TGM6: variants seen among roughly 807,000 people sequenced by gnomAD.
TGM6 encodes the protein protein-glutamine gamma-glutamyltransferase 6.
In TGM6, 74 loss-of-function variants were observed where a neutral mutation model predicts 77.5. The observed-to-expected ratio is 0.96, with a 90% CI of 0.79 to 1.16. TGM6 has a LOEUF of 1.16. Ranked by LOEUF, TGM6 falls within the 50% of genes most tolerant of loss-of-function variation. The pLI, the probability that TGM6 is intolerant of heterozygous loss-of-function variation, is 0.00. For synonymous variants in TGM6, 383 were observed against 378.9 expected (o/e 1.01, Z -0.12); for missense variants, 968 against 940.2 (o/e 1.03, Z -0.39).
intron 6 of TGM6, among the ~76,000 whole-genome samples, chr20:2,399,972 G>T (rs1031864337): frequency 6.6e-6 from 1 of 152,120 alleles, no homozygotes; most frequent in Admixed American, 6.5e-5. Flanking sequence ...AGTGCCTTGG[G>T]CGAGCCCTGC....
chr20:2,411,945 T>C (rs1223120755), intron 9 of TGM6, among the ~76,000 whole-genome samples: 1 of 152,264 alleles, frequency 6.6e-6, no homozygotes, highest in Admixed American at 6.5e-5. Flanking sequence ...CCAAAAGAAT[T>C]GAAAGCAGGA....
intron 10 of TGM6, among the ~76,000 whole-genome samples, chr20:2,427,794 C>T (rs1346434142): frequency 1.3e-5 from 2 of 152,098 alleles, no homozygotes; most frequent in African/African-American, 2.4e-5. Flanking sequence ...CTCGTTCTGT[C>T]ACCCAGGCTG....
At chr20:2,395,644 G>T (rs1170697486) in intron 3 of TGM6, among the ~76,000 whole-genome samples, 2 of 152,194 alleles carry the variant, frequency 1.3e-5, no homozygotes, top group African/African-American at 4.8e-5. Flanking sequence ...GACCCAGTGG[G>T]CAAGAGAGGC....
At chr20:2,427,468 T>C (rs930843796) in intron 10 of TGM6, among the ~76,000 whole-genome samples, 2 of 152,180 alleles carry the variant, frequency 1.3e-5, no homozygotes, top group African/African-American at 4.8e-5. Flanking sequence ...TTATTGACTT[T>C]ACTGATCTTT....
At chr20:2,381,039 G>C in intron 1 of TGM6, 64 bp downstream of exon 1, 1 of 1,587,122 alleles carries the variant, frequency 6.3e-7, no homozygotes, top group Middle Eastern at 1.7e-4. Context: ...CAAGAAACAC[G>C]GGTCTGTGGG....
At chr20:2,394,169 T>C (rs2084645944) in intron 1 of TGM6, among the ~76,000 whole-genome samples, 1 of 152,048 alleles carries the variant, frequency 6.6e-6, no homozygotes, top group South Asian at 2.1e-4. Flanking sequence ...GATGTGCACC[T>C]GCTAGTTCCA....
At chr20:2,399,452 G>A (rs1254889168) in intron 5 of TGM6, 109 bp from the exon 6 acceptor site, 1 of 1,490,134 alleles carries the variant, frequency 6.7e-7, no homozygotes. Context: ...AAAAGCAAGA[G>A]TGACCCCGAT....
At chr20:2,403,305 A>G (rs2084723870) in intron 7 of TGM6, 92 bp from the exon 8 acceptor site, 6 of 1,352,882 alleles carry the variant, frequency 4.4e-6, no homozygotes, top group Admixed American at 3.9e-5. Context: ...GTTCTTGTGG[A>G]AAGTAGGGAG....
chr20:2,384,213 C>T (rs746432847), intron 1 of TGM6, among the ~76,000 whole-genome samples: 4 of 152,088 alleles, frequency 2.6e-5, no homozygotes, highest in Non-Finnish European at 4.4e-5. Flanking sequence ...GGTGGAAGCC[C>T]ATTGCCCTAG....
At chr20:2,431,151 A>C in intron 12 of TGM6, 124 bp downstream of exon 12, 1 of 1,182,592 alleles carries the variant, frequency 8.5e-7, no homozygotes, top group Non-Finnish European at 1.2e-6. Flanking sequence ...CAGCCCACAG[A>C]CTATACATAT....
In TGM6 at chr20:2,432,746, C is replaced by G; in HGVS notation, c.*103C>G. ...GCCAGGAGGCCTCAGTTAATCCTGC[C>G]TCAACCTCTGCCCTACTTTGTAAAC... On this transcript the variant is annotated 3_prime_UTR_variant, in exon 13 of 13. Coordinates refer to ENST00000202625, the MANE Select transcript of TGM6 (RefSeq NM_198994.3). 6.6e-7 allele frequency: 1 copy of G among 1,525,656 alleles called. No individual in the cohort carries two copies. The highest frequency in any genetic ancestry group is 9.0e-7 in the Non-Finnish European group (1 of 1,106,086). The allele number at this position is 1,525,656 out of a possible 1,614,324, so 94.5% of individuals were successfully genotyped here.
At chr20:2,425,469 A>G (rs531576942) in intron 10 of TGM6, among the ~76,000 whole-genome samples, 1 of 152,312 alleles carries the variant, frequency 6.6e-6, no homozygotes, top group African/African-American at 2.4e-5. Flanking sequence ...AAAATGCAAT[A>G]TCTGCAAAGT....
At chr20:2,396,792 T>C (rs1391361040) in intron 4 of TGM6, among the ~76,000 whole-genome samples, 168 bp downstream of exon 4, 3 of 152,202 alleles carry the variant, frequency 2.0e-5, no homozygotes, top group Non-Finnish European at 4.4e-5. Flanking sequence ...GGCCAGGGCC[T>C]GCACTGGGTC....
At chr20:2,425,926 C>G (rs1243972320) in intron 10 of TGM6, among the ~76,000 whole-genome samples, 1 of 152,118 alleles carries the variant, frequency 6.6e-6, no homozygotes, top group South Asian at 2.1e-4. Context: ...TATAATTTCC[C>G]TACTGTGTTA....
chr20:2,382,997 C>T (rs957582274), intron 1 of TGM6, among the ~76,000 whole-genome samples: 1 of 152,208 alleles, frequency 6.6e-6, no homozygotes, highest in Non-Finnish European at 1.5e-5. Flanking sequence ...GAGGCTGGCT[C>T]TGGCTGGGAC....
At chr20:2,384,020 T>C (rs997011206) in intron 1 of TGM6, among the ~76,000 whole-genome samples, 2 of 145,422 alleles carry the variant, frequency 1.4e-5, no homozygotes, top group Non-Finnish European at 3.0e-5. Flanking sequence ...GGCAGGAGAA[T>C]GGCATGAACC....
intron 4 of TGM6, among the ~76,000 whole-genome samples, chr20:2,397,146 G>A (rs2084674709): frequency 6.6e-6 from 1 of 152,254 alleles, no homozygotes; most frequent in Non-Finnish European, 1.5e-5. Context: ...GTCCAGAAGA[G>A]GGTGAAAGGA....
rs896009505 is a variant in TGM6 at position 2,382,040 on chromosome 20, G to A, written c.7+1065G>A. ...GTAATGAGCAAGTCAGCAGAACCAG[G>A]GGTCCTACACTCACAGGTATTCAAG... On this transcript the variant is annotated intron_variant, in intron 1 of 12. Transcript: ENST00000202625. Among the ~76,000 whole-genome samples the A allele has an allele frequency of 1.2e-4, 19 of 152,218 alleles. 1 individual carries two copies. Among genetic ancestry groups the A allele is most frequent in the Admixed American group, 5.2e-4 (8 of 15,280 alleles).
At chr20:2,415,268 C>A (rs899345527) in intron 9 of TGM6, among the ~76,000 whole-genome samples, 10 of 152,106 alleles carry the variant, frequency 6.6e-5, no homozygotes, top group Non-Finnish European at 1.5e-4. Flanking sequence ...GTGATCAGAC[C>A]AGGGTCACAC....
Sources: allele counts gnomAD v4.1 joint callset (sites outside exome capture counted in the v4.1 genomes callset), GRCh38; gene constraint gnomAD v4.1.1; transcripts MANE v1.5; gene names NCBI Gene and HGNC (gene_info 2026-07-23, HGNC 2026-07-21).